The following GIGYF2 variants were observed in gnomAD, a reference collection of about 807,000 sequenced individuals.
GIGYF2 encodes the protein GRB10 interacting GYF protein 2.
Under a neutral mutation model 208.1 loss-of-function variants are expected in GIGYF2, and 25 were observed. The observed-to-expected ratio is 0.12, with a 90% CI of 0.09 to 0.17. The LOEUF (loss-of-function observed/expected upper bound fraction) is 0.17, where lower values mean the gene tolerates loss of function less well. Among genes scored for constraint, GIGYF2 ranks in the 10% least tolerant of loss-of-function variants. The probability of loss-of-function intolerance (pLI) is 1.00; values close to 1 mark genes in which losing one functional copy is unlikely to be tolerated. For synonymous variants in GIGYF2, 534 were observed against 543.8 expected (o/e 0.98, Z 0.25); for missense variants, 1,302 against 1,579.4 (o/e 0.82, Z 2.98).
chr2:232,765,546 G>A (rs1159982051), intron 8 of GIGYF2: 1 of 153,554 alleles, frequency 6.5e-6, no homozygotes, highest in East Asian at 1.9e-4. Flanking sequence ...GAATGTGAAG[G>A]TGGAAAAATG....
intron 21 of GIGYF2, among the ~76,000 whole-genome samples, chr2:232,830,607 A>G (rs964650118): frequency 1.3e-5 from 2 of 152,176 alleles, no homozygotes; most frequent in African/African-American, 4.8e-5. Flanking sequence ...CTAATGCATT[A>G]TTATTAACTA....
At chr2:232,805,796 G>A (rs1559445831) in intron 14 of GIGYF2, among the ~76,000 whole-genome samples, 1 of 152,130 alleles carries the variant, frequency 6.6e-6, no homozygotes, top group Non-Finnish European at 1.5e-5. Context: ...GCTTAGAGGA[G>A]GAATAGGGAA....
intron 8 of GIGYF2, among the ~76,000 whole-genome samples, chr2:232,781,884 G>T (rs1396847748): frequency 6.6e-6 from 1 of 152,238 alleles, no homozygotes; most frequent in Non-Finnish European, 1.5e-5. Context: ...TGACTCAGCT[G>T]TGTGGCCTTG....
chr2:232,838,727 A>G (rs902630628), intron 22 of GIGYF2, among the ~76,000 whole-genome samples: 10 of 151,982 alleles, frequency 6.6e-5, no homozygotes, highest in African/African-American at 2.2e-4. Flanking sequence ...CAAATGAGTC[A>G]TTTCCTGTGG....
chr2:232,835,144 C>A (rs1701543986), intron 22 of GIGYF2, among the ~76,000 whole-genome samples: 1 of 152,184 alleles, frequency 6.6e-6, no homozygotes, highest in Admixed American at 6.5e-5. Flanking sequence ...CCAGTTCCAT[C>A]TGTGTTGCTG....
chr2:232,701,433 A>C (rs1170635261), intron 1 of GIGYF2, among the ~76,000 whole-genome samples: 1 of 149,864 alleles, frequency 6.7e-6, no homozygotes, highest in Non-Finnish European at 1.5e-5. Flanking sequence ...TGATAGAGCA[A>C]GACTTTCTCC....
At chr2:232,772,351 G>A (rs904326281) in intron 8 of GIGYF2, among the ~76,000 whole-genome samples, 1 of 152,166 alleles carries the variant, frequency 6.6e-6, no homozygotes, top group African/African-American at 2.4e-5. Context: ...GGTAGAAAGA[G>A]AATTGTTTCT....
chr2:232,788,089 T>C (rs1699970004), intron 9 of GIGYF2: 1 of 154,200 alleles, frequency 6.5e-6, no homozygotes, highest in Admixed American at 6.4e-5. Flanking sequence ...ATATGTGGAA[T>C]GCCCTATGAA....
At position 232,768,940 on chromosome 2, in the gene GIGYF2, T is replaced by C. The variant is rs1361638456; in HGVS notation, c.532+7504T>C. On this transcript the variant is annotated intron_variant, in intron 8 of 28. Coordinates refer to ENST00000373563, the MANE Select transcript of GIGYF2 (RefSeq NM_001103146.3). ...GCCATGCCTTTCAGTGAGTCAGGAA[T>C]TGAACTCATTGTTAATTTGGTCAGT... 11 of 748,260 alleles carry C rather than the reference T, an allele frequency of 1.5e-5. No homozygotes were observed. In the East Asian group the frequency reaches 3.0e-4, roughly 20 times the overall value. 46.4% of individuals were successfully genotyped at this position (748,260 alleles called of 1,614,324 possible). A position where few individuals can be genotyped will look rare whatever the true frequency, so the allele number is the denominator to read the frequency against.
chr2:232,740,723 A>C (rs1404585157), intron 3 of GIGYF2, among the ~76,000 whole-genome samples: 2 of 152,206 alleles, frequency 1.3e-5, no homozygotes, highest in Non-Finnish European at 2.9e-5. Context: ...TTAGGGTCTT[A>C]TGGGAGACGG....
intron 1 of GIGYF2, among the ~76,000 whole-genome samples, chr2:232,697,647 C>T (rs534030855): frequency 1.8e-4 from 28 of 152,352 alleles, no homozygotes; most frequent in Admixed American, 1.8e-3. Context: ...CGCGTCACGG[C>T]CGCGAGGAGC....
At chr2:232,828,154 T>G (rs183642005) in intron 21 of GIGYF2, among the ~76,000 whole-genome samples, 7 of 152,278 alleles carry the variant, frequency 4.6e-5, no homozygotes, top group African/African-American at 1.7e-4. Context: ...CACACCTGGT[T>G]AATTTTTGTT....
intron 12 of GIGYF2, among the ~76,000 whole-genome samples, chr2:232,793,443 G>A (rs1338128699): frequency 1.3e-5 from 2 of 152,108 alleles, no homozygotes; most frequent in Admixed American, 1.3e-4. Flanking sequence ...AGAGGATTAT[G>A]GTGCCATTCA....
Position 232,791,050 on chromosome 2 carries a change from T to G in GIGYF2, c.973T>G (p.Phe325Val). The change falls in exon 11 of 29, where the codon TTC becomes GTC. Residue 325 changes from phenylalanine to valine, a missense_variant. Coordinates refer to ENST00000373563, the MANE Select transcript of GIGYF2 (RefSeq NM_001103146.3). ...EPIPEEQEMDFRPVDEGEECS... is the reference protein window; with the variant it reads ...EPIPEEQEMDVRPVDEGEECS... Reference sequence around the variant, plus strand: ...TATTCCAGAAGAGCAGGAGATGGACTTCCGGCCTGTGGACGAAGGGGAGGA... The same window carrying G: ...TATTCCAGAAGAGCAGGAGATGGACGTCCGGCCTGTGGACGAAGGGGAGGA... 5 of 1,614,108 alleles carry G rather than the reference T, an allele frequency of 3.1e-6. No individual in the cohort carries two copies. The highest frequency in any genetic ancestry group is 3.4e-6 in the Non-Finnish European group (4 of 1,179,990).
chr2:232,815,810 C>T, intron 19 of GIGYF2, 73 bp downstream of exon 19: 1 of 797,840 alleles, frequency 1.3e-6, no homozygotes, highest in East Asian at 2.5e-5. Context: ...GTTTATTCAT[C>T]TCTCTAGCTA....
intron 28 of GIGYF2, among the ~76,000 whole-genome samples, chr2:232,854,251 G>T (rs1690466183): frequency 6.6e-6 from 1 of 152,170 alleles, no homozygotes; most frequent in African/African-American, 2.4e-5. Context: ...CCAGCACTTT[G>T]GGAGGCCAGC....
intron 12 of GIGYF2, among the ~76,000 whole-genome samples, chr2:232,792,287 G>A (rs283469): frequency 6.6e-6 from 1 of 150,444 alleles, no homozygotes; most frequent in African/African-American, 2.5e-5. Context: ...TGTCTTCTTC[G>A]TTTCTTAAAC....
At position 232,761,377 on chromosome 2, in the gene GIGYF2, C is replaced by G. The variant is rs769090615; in HGVS notation, c.492-19C>G. 1.3e-6 allele frequency: 2 copies of G among 1,581,642 alleles called. No homozygotes were observed. Among genetic ancestry groups the G allele is most frequent in the Non-Finnish European group, 1.7e-6 (2 of 1,150,664 alleles). ...TATCACTGTGAGACTTTGTTTGAAA[C>G]TTATTTTTTCTTTTCCAGGGGTGAC... On this transcript the variant is annotated intron_variant, in intron 7 of 28. Transcript: ENST00000373563.
At chr2:232,841,802 G>T (rs1489926334) in intron 23 of GIGYF2, among the ~76,000 whole-genome samples, 1 of 152,018 alleles carries the variant, frequency 6.6e-6, no homozygotes, top group African/African-American at 2.4e-5. Flanking sequence ...GACACTCTCA[G>T]CTTGCTTTAT....
Sources: gnomAD v4.1 joint callset for allele counts (sites outside exome capture counted in the v4.1 genomes callset) on GRCh38, gnomAD v4.1.1 for gene constraint, MANE v1.5 for transcripts, NCBI Gene and HGNC (gene_info 2026-07-23, HGNC 2026-07-21) for gene names.